TTC21A: variants seen among roughly 807,000 people sequenced by gnomAD.
TTC21A encodes the protein tetratricopeptide repeat protein 21A.
In TTC21A, 128 loss-of-function variants were observed where a neutral mutation model predicts 156.4. The observed-to-expected ratio is 0.82, with a 90% CI of 0.71 to 0.95. The LOEUF (loss-of-function observed/expected upper bound fraction) is 0.95. TTC21A is among the 40% of genes least tolerant of loss of function. The pLI is 0.00. For missense variants in TTC21A, 1,435 were observed against 1,602.3 expected (o/e 0.90, Z 1.78); for synonymous variants, 587 against 617.1 (o/e 0.95, Z 0.72).
In TTC21A at chr3:39,137,544, T is replaced by C. The variant is rs368549916; in HGVS notation, c.3509T>C (p.Ile1170Thr). 4 of 1,614,094 alleles carry C rather than the reference T, an allele frequency of 2.5e-6. No homozygotes were observed. In the African/African-American group the frequency reaches 5.3e-5, roughly 22 times the overall value. The stretch of plus-strand genomic sequence containing the variant: ...CAAGCCTACGTGTTCCTGAAGCAGA[T>C]CCCCAAGGCGCGTATGCAGTTGAAG... ...LAQAYVFLKQ[I>T]PKARMQLKRL... The change falls in exon 26 of 29, where the codon ATC becomes ACC. Residue 1170 changes from isoleucine (I) to threonine (T), a missense_variant. Coordinates refer to ENST00000683103, the MANE Select transcript of TTC21A (RefSeq NM_001366900.1).
At chr3:39,115,821 A>G (rs934359286) in intron 6 of TTC21A, among the ~76,000 whole-genome samples, 2 of 152,208 alleles carry the variant, frequency 1.3e-5, no homozygotes, top group East Asian at 1.9e-4. Context: ...ATAGGGAAAT[A>G]TATAGCACAG....
At chr3:39,135,735 C>T (rs2039063498) in intron 22 of TTC21A, among the ~76,000 whole-genome samples, 1 of 152,176 alleles carries the variant, frequency 6.6e-6, no homozygotes. Flanking sequence ...GTCTCAGTGT[C>T]CTCATCTGTA....
chr3:39,114,750 A>G lies in TTC21A; in HGVS notation c.716+8A>G, dbSNP rs759634293. Reference sequence around the variant, plus strand: ...AGTAGAAATGGGACACAGGTGAGCTACTGCACAAATGGGCAGCCAAGGGTG... The same window carrying G: ...AGTAGAAATGGGACACAGGTGAGCTGCTGCACAAATGGGCAGCCAAGGGTG... On this transcript the variant is annotated splice_region_variant and intron_variant, in intron 6 of 28. Coordinates refer to ENST00000683103, the MANE Select transcript of TTC21A (RefSeq NM_001366900.1). 8.7e-6 allele frequency: 14 copies of G among 1,614,204 alleles called. No individual in the cohort carries two copies. The highest frequency in any genetic ancestry group is 6.7e-5 in the Admixed American group (4 of 60,028).
intron 6 of TTC21A, among the ~76,000 whole-genome samples, chr3:39,116,263 G>C (rs2037282346): frequency 6.6e-6 from 1 of 152,126 alleles, no homozygotes; most frequent in African/African-American, 2.4e-5. Flanking sequence ...TTAAAACTCT[G>C]CTCTGTAAAG....
chr3:39,128,692 C>G (rs1181934307), intron 13 of TTC21A, 25 bp from the exon 14 acceptor site: 9 of 1,610,084 alleles, frequency 5.6e-6, no homozygotes, highest in Non-Finnish European at 6.8e-6. Context: ...AACTGGAGCC[C>G]CACACTCTGC....
At position 39,136,383 on chromosome 3, in the gene TTC21A, A is replaced by T; in HGVS notation, c.2971A>T (p.Ile991Phe). The change falls in exon 23 of 29, where the codon ATC becomes TTC. Residue 991 changes from isoleucine to phenylalanine, a missense_variant. Transcript: ENST00000683103. ...PDNFLVLHKL[I>F]DLLRRSGKLE... Reference sequence around the variant, plus strand: ...CAATTTTTTGGTATTGCATAAATTAATCGATCTGCTAAGAAGAAGTGGAAA... The same window carrying T: ...CAATTTTTTGGTATTGCATAAATTATTCGATCTGCTAAGAAGAAGTGGAAA... 1 of 1,613,270 alleles carries T rather than the reference A, an allele frequency of 6.2e-7. No homozygotes were observed. Among genetic ancestry groups the T allele is most frequent in the Non-Finnish European group, 8.5e-7 (1 of 1,179,704 alleles).
chr3:39,137,185 ACACCTG>A lies in TTC21A; in HGVS notation c.3258-7_3258-2del. On this transcript the variant is annotated splice_region_variant and splice_polypyrimidine_tract_variant and intron_variant, in intron 24 of 28. Transcript: ENST00000683103. Reference sequence around the variant, plus strand: ...GGCCTGTGTCTGATACCCAGGTCTAACACCTGCAGCTACATGGAGAAGAAGGAGTTG... The same window carrying A: ...GGCCTGTGTCTGATACCCAGGTCTAACAGCTACATGGAGAAGAAGGAGTTG... 6.2e-7 allele frequency: 1 copy of A among 1,610,220 alleles called. No homozygotes were observed. The highest frequency in any genetic ancestry group is 8.5e-7 in the Non-Finnish European group (1 of 1,177,360).
chr3:39,107,891 G>A (rs1217087934), intron 1 of TTC21A, 27 bp downstream of exon 1: 8 of 1,610,802 alleles, frequency 5.0e-6, no homozygotes, highest in Non-Finnish European at 6.8e-6. Context: ...CTGTCCGAGG[G>A]CTCCCTCGTG....
chr3:39,111,014 A>G lies in TTC21A; in HGVS notation c.432A>G (p.Arg144=), dbSNP rs766107143. 1.1e-5 allele frequency: 18 copies of G among 1,607,796 alleles called. No individual in the cohort carries two copies. The African/African-American group carries it at 2.4e-4, about 21-fold the overall frequency. ...TGCTGAAGATTTCTAGAGGCTTCAG[A>G]GAGGTACTTACCACACCATGGGGAC... is the stretch of plus-strand genomic sequence containing the variant. ...DRMLKISRGF[R]EAYVLRGWVD... The change falls in exon 4 of 29, where the codon AGA becomes AGG. Residue 144 remains arginine, a synonymous_variant. Coordinates refer to ENST00000683103, the MANE Select transcript of TTC21A (RefSeq NM_001366900.1).
At chr3:39,129,381 G>T in intron 15 of TTC21A, 71 bp downstream of exon 15, 2 of 1,189,606 alleles carry the variant, frequency 1.7e-6, no homozygotes, top group African/African-American at 1.5e-5. Context: ...CCTTCAGATG[G>T]TATTTCTTCA....
intron 27 of TTC21A, 60 bp downstream of exon 27, chr3:39,138,447 C>G (rs943973775): frequency 1.2e-6 from 2 of 1,613,158 alleles, no homozygotes; most frequent in African/African-American, 2.7e-5. Flanking sequence ...GCAGGAGGGC[C>G]CCCACCATGA....
chr3:39,130,350 T>A lies in TTC21A; in HGVS notation c.2311T>A (p.Tyr771Asn). Residue 771 changes from tyrosine (Y) to asparagine (N), a missense_variant, in exon 17 of 29, where the codon TAT becomes AAT. Coordinates refer to ENST00000683103, the MANE Select transcript of TTC21A (RefSeq NM_001366900.1). The surrounding 1 kb of genome is among the most constrained non-coding windows in gnomAD (Gnocchi z 4.5). ...IGHAYVKAHQYTEAIEYYEAA... is the reference protein window; with the variant it reads ...IGHAYVKAHQNTEAIEYYEAA... The stretch of plus-strand genomic sequence containing the variant: ...GCACGCTTATGTGAAGGCCCACCAG[T>A]ATACTGAGGTCAGGCTGGGCTAGGG... 1 of 1,612,224 alleles carries A rather than the reference T, an allele frequency of 6.2e-7. No homozygotes were observed. The highest frequency in any genetic ancestry group is 8.5e-7 in the Non-Finnish European group (1 of 1,179,022).
intron 9 of TTC21A, among the ~76,000 whole-genome samples, chr3:39,124,502 A>T (rs2038039269): frequency 6.6e-6 from 1 of 152,032 alleles, no homozygotes; most frequent in African/African-American, 2.4e-5. Context: ...TCTACTAAAA[A>T]TACAAAAATT....
At chr3:39,132,345 A>G (rs558930180) in intron 19 of TTC21A, among the ~76,000 whole-genome samples, 3 of 152,152 alleles carry the variant, frequency 2.0e-5, no homozygotes, top group Non-Finnish European at 4.4e-5. Flanking sequence ...CTCTTTGCAC[A>G]CTGGGCTGCC....
At chr3:39,124,960 T>A (rs2038095529) in intron 9 of TTC21A, 103 bp from the exon 10 acceptor site, 3 of 785,678 alleles carry the variant, frequency 3.8e-6, no homozygotes, top group Non-Finnish European at 4.6e-6. Context: ...TCCCCTACAC[T>A]GAGACATCTT....
intron 9 of TTC21A, among the ~76,000 whole-genome samples, chr3:39,123,217 T>A (rs972673756): frequency 6.6e-6 from 1 of 152,190 alleles, no homozygotes; most frequent in Admixed American, 6.5e-5. Flanking sequence ...GTAAAAAATT[T>A]CATAAATGGG....
Position 39,131,170 on chromosome 3 carries a change from TCCAGGTCTGGAAAGCC to T in TTC21A, c.2562+80_2562+95del, listed in dbSNP as rs2038705420. ...GCTGAAGGAGGAGGAAGGAGAGAGC[TCCAGGTCTGGAAAGCC>T]CCAGACCTCTTCCTTAAAAAAGGAC... On this transcript the variant is annotated intron_variant, in intron 19 of 28. Coordinates refer to ENST00000683103, the MANE Select transcript of TTC21A (RefSeq NM_001366900.1). The T allele has an allele frequency of 3.9e-6, 5 of 1,295,238 alleles. No homozygotes were observed. The South Asian group carries it at 6.5e-5, about 17-fold the overall frequency. 80.2% of individuals were successfully genotyped at this position (1,295,238 alleles called of 1,614,324 possible). A position where few individuals can be genotyped will look rare whatever the true frequency, so the allele number is the denominator to read the frequency against.
At chr3:39,136,241 T>C (rs2039105229) in intron 22 of TTC21A, 116 bp from the exon 23 acceptor site, 4 of 1,055,668 alleles carry the variant, frequency 3.8e-6, no homozygotes, top group East Asian at 4.8e-5. Flanking sequence ...GCTGTTGGAA[T>C]GTCCCTGCTC....
intron 19 of TTC21A, among the ~76,000 whole-genome samples, chr3:39,132,012 T>C (rs904000326): frequency 6.6e-6 from 1 of 152,146 alleles, no homozygotes; most frequent in Non-Finnish European, 1.5e-5. Flanking sequence ...GTGAACATCA[T>C]AGAATGTACT....
Sources: allele counts gnomAD v4.1 joint callset (sites outside exome capture counted in the v4.1 genomes callset), GRCh38; gene constraint gnomAD v4.1.1; non-coding constraint Gnocchi (gnomAD v3.1); transcripts MANE v1.5; gene names NCBI Gene and HGNC (gene_info 2026-07-23, HGNC 2026-07-21).